Variants in CNKSR2 observed in about 807,000 individuals in gnomAD.
The protein encoded by CNKSR2 is CNK homolog protein 2.
In CNKSR2, 14 loss-of-function variants were observed where a neutral mutation model predicts 84.4. The observed-to-expected ratio is 0.17, with a 90% CI of 0.11 to 0.26. The LOEUF is 0.26. CNKSR2 is among the 10% of genes least tolerant of loss of function. The probability of loss-of-function intolerance (pLI) is 1.00; values close to 1 mark genes in which losing one functional copy is unlikely to be tolerated. For missense variants in CNKSR2, 485 were observed against 771.2 expected, an observed-to-expected ratio of 0.63 and a Z score of 4.40; for synonymous variants, 275 against 277.9, an observed-to-expected ratio of 0.99 and a Z score of 0.10.
chrX:21,491,446 A>G (rs1164357381), intron 6 of CNKSR2: 1 of 112,443 alleles, frequency 8.9e-6, no homozygotes, highest in Non-Finnish European at 1.9e-5. Flanking sequence ...AAGATCTCTA[A>G]GCAAGTTTAA....
chrX:21,638,729 G>C (rs142454945), intron 20 of CNKSR2, among the ~76,000 whole-genome samples: 170 of 112,345 alleles, frequency 1.5e-3, no homozygotes, highest in Middle Eastern at 0.014. Context: ...TTGGCTAAAA[G>C]CTTGGTAAAT....
chrX:21,603,716 G>A (rs750921215), intron 18 of CNKSR2, among the ~76,000 whole-genome samples: 1 of 112,308 alleles, frequency 8.9e-6, no homozygotes, highest in African/African-American at 3.2e-5. Context: ...GATCATTTTT[G>A]TATTTTTTCC....
At chrX:21,478,959 G>C (rs2091287474) in intron 5 of CNKSR2, among the ~76,000 whole-genome samples, 1 of 111,119 alleles carries the variant, frequency 9.0e-6, no homozygotes, top group Non-Finnish European at 1.9e-5. Context: ...TTGATACATG[G>C]GCATATTGCA....
chrX:21,462,289 G>A (rs1370446320), intron 4 of CNKSR2, among the ~76,000 whole-genome samples: 1 of 111,546 alleles, frequency 9.0e-6, no homozygotes, highest in African/African-American at 3.3e-5. Context: ...AATTTTATTT[G>A]TGGCTATTGA....
At chrX:21,572,976 C>T (rs1176763471) in intron 13 of CNKSR2, among the ~76,000 whole-genome samples, 2 of 111,739 alleles carry the variant, frequency 1.8e-5, no homozygotes, top group East Asian at 5.6e-4. Context: ...TGCCTAAGAC[C>T]CTGTAGAATC....
At chrX:21,508,358 T>A (rs1428389462) in intron 8 of CNKSR2, among the ~76,000 whole-genome samples, 1 of 111,872 alleles carries the variant, frequency 8.9e-6, no homozygotes, top group East Asian at 2.8e-4. Context: ...ATTATTATGG[T>A]TATTTTAAAA....
At chrX:21,597,480 C>G (rs2092456771) in intron 17 of CNKSR2, among the ~76,000 whole-genome samples, 1 of 111,720 alleles carries the variant, frequency 9.0e-6, no homozygotes, top group Admixed American at 9.5e-5. Context: ...ATTTAATTGT[C>G]CCAAAATACT....
chrX:21,593,109 C>T (rs2092430873), intron 15 of CNKSR2: 1 of 110,631 alleles, frequency 9.0e-6, no homozygotes, highest in Admixed American at 9.8e-5. Context: ...ATGTAAAAAT[C>T]CCTCATCACA....
intron 7 of CNKSR2, 28 bp downstream of exon 7, chrX:21,497,874 A>C: frequency 1.4e-6 from 1 of 702,521 alleles, no homozygotes; most frequent in Non-Finnish European, 2.3e-6. Context: ...TCAAATTTTT[A>C]AGTGTGTTTT....
intron 13 of CNKSR2, among the ~76,000 whole-genome samples, chrX:21,586,302 A>C (rs894547866): frequency 8.9e-6 from 1 of 112,036 alleles, no homozygotes; most frequent in Non-Finnish European, 1.9e-5. Context: ...ACTAAGAAAT[A>C]AATAAAGATA....
At chrX:21,493,434 G>A (rs370721410) in intron 6 of CNKSR2, 2 of 111,748 alleles carry the variant, frequency 1.8e-5, no homozygotes, top group African/African-American at 6.5e-5. Flanking sequence ...TGACTGAGAG[G>A]TTGCTTTGGC....
At chrX:21,456,402 C>T (rs1387156238) in intron 4 of CNKSR2, among the ~76,000 whole-genome samples, 1 of 111,679 alleles carries the variant, frequency 9.0e-6, no homozygotes, top group Non-Finnish European at 1.9e-5. Flanking sequence ...CCATTCTACT[C>T]TCTGTTACTG....
chrX:21,454,530 G>A (rs778053087), intron 4 of CNKSR2, among the ~76,000 whole-genome samples: 1 of 112,083 alleles, frequency 8.9e-6, no homozygotes, highest in East Asian at 2.8e-4. Flanking sequence ...CCTGGAACAT[G>A]GATATTGATC....
intron 12 of CNKSR2, 76 bp from the exon 13 acceptor site, chrX:21,563,162 T>C: frequency 1.2e-6 from 1 of 836,649 alleles, no homozygotes; most frequent in South Asian, 3.0e-5. Flanking sequence ...GCCAACCTAA[T>C]AGCACAATTG....
At position 21,407,308 on chromosome X, in the gene CNKSR2, C is replaced by G. The variant is rs185186682; in HGVS notation, c.65-19189C>G. On this transcript the variant is annotated intron_variant, in intron 1 of 21. Transcript: ENST00000379510. ...TATTCATTAACTGCCCAAAGTTGAACTTGTTAACCTCAAGGTTGGAATATA... is the reference window on the plus strand; with the variant it reads ...TATTCATTAACTGCCCAAAGTTGAAGTTGTTAACCTCAAGGTTGGAATATA... Among the ~76,000 whole-genome samples the G allele has an allele frequency of 1.2e-3, 129 of 111,252 alleles. 2 individuals are homozygous for G. Among genetic ancestry groups the G allele is most frequent in the African/African-American group, 4.0e-3 (122 of 30,745 alleles).
intron 9 of CNKSR2, among the ~76,000 whole-genome samples, chrX:21,523,133 C>G (rs1179203531): frequency 9.0e-6 from 1 of 110,780 alleles, no homozygotes; most frequent in Non-Finnish European, 1.9e-5. Flanking sequence ...AATGTGTCTT[C>G]CCTGTTGGAG....
intron 1 of CNKSR2, among the ~76,000 whole-genome samples, chrX:21,402,506 A>G (rs1404497921): frequency 9.0e-6 from 1 of 111,292 alleles, no homozygotes; most frequent in Non-Finnish European, 1.9e-5. Flanking sequence ...CACATAGATT[A>G]TATTACAACA....
At chrX:21,375,030 G>T in intron 1 of CNKSR2, 69 bp downstream of exon 1, 1 of 891,214 alleles carries the variant, frequency 1.1e-6, no homozygotes, top group African/African-American at 1.9e-5. Flanking sequence ...TTAGGAGGGG[G>T]CGCCCGCCGC....
chrX:21,438,114 TTTG>T (rs1270669913), intron 3 of CNKSR2, among the ~76,000 whole-genome samples: 3 of 111,882 alleles, frequency 2.7e-5, no homozygotes, highest in Admixed American at 9.5e-5. Context: ...GATTGGCAAT[TTTG>T]TTGTTGTGCA....
Sources: allele counts gnomAD v4.1 joint callset (sites outside exome capture counted in the v4.1 genomes callset), GRCh38; gene constraint gnomAD v4.1.1; transcripts MANE v1.5; gene names NCBI Gene and HGNC (gene_info 2026-07-23, HGNC 2026-07-21).